Variants in NPAS3 observed in about 807,000 individuals in gnomAD.
NPAS3 encodes neuronal PAS domain-containing protein 3.
Under a neutral mutation model 73.1 loss-of-function variants are expected in NPAS3, and 14 were observed. That is an observed-to-expected ratio of 0.19 (90% CI 0.13 to 0.30). NPAS3 has a LOEUF of 0.30. NPAS3 is among the 10% of genes least tolerant of loss of function. The pLI is 1.00. For synonymous variants in NPAS3, 620 were observed against 541.5 expected (o/e 1.14, Z -2.01); for missense variants, 1,096 against 1,250.0 (o/e 0.88, Z 1.86).
At chr14:33,632,692 G>A (rs74861560) in intron 5 of NPAS3, among the ~76,000 whole-genome samples, 6,568 of 152,128 alleles carry the variant, frequency 0.043, 449 homozygotes, top group African/African-American at 0.15. Flanking sequence ...AGCTCTCTAC[G>A]CTCCTCCATT....
intron 4 of NPAS3, among the ~76,000 whole-genome samples, chr14:33,532,534 G>T (rs938788525): frequency 1.3e-5 from 2 of 152,004 alleles, no homozygotes; most frequent in African/African-American, 4.8e-5. Flanking sequence ...AGAAACAGAT[G>T]ATTTGTCCAA....
intron 5 of NPAS3, among the ~76,000 whole-genome samples, chr14:33,636,410 C>A (rs959748356): frequency 1.3e-5 from 2 of 152,178 alleles, no homozygotes; most frequent in African/African-American, 2.4e-5. Flanking sequence ...CTATGCACAG[C>A]TATAGCGGTT....
intron 1 of NPAS3, among the ~76,000 whole-genome samples, chr14:33,012,571 T>C (rs996677204): frequency 6.6e-6 from 1 of 151,680 alleles, no homozygotes; most frequent in Non-Finnish European, 1.5e-5. Flanking sequence ...TTTTTTTAGA[T>C]GGAGTCTCGC....
intron 4 of NPAS3, among the ~76,000 whole-genome samples, chr14:33,415,243 A>G (rs2138955737): frequency 6.6e-6 from 1 of 152,256 alleles, no homozygotes; most frequent in Admixed American, 6.5e-5. Flanking sequence ...AACCTCATGA[A>G]GAGATTCCAT....
intron 3 of NPAS3, among the ~76,000 whole-genome samples, chr14:33,363,577 A>G (rs936287198): frequency 1.3e-5 from 2 of 152,172 alleles, no homozygotes; most frequent in Admixed American, 1.3e-4. Context: ...TAGGTGTTTT[A>G]TTTTTAACCC....
chr14:33,765,418 C>A (rs888756049), intron 7 of NPAS3, among the ~76,000 whole-genome samples: 3 of 152,090 alleles, frequency 2.0e-5, no homozygotes, highest in Non-Finnish European at 4.4e-5. Flanking sequence ...CAGCCAGGGG[C>A]CGGCTGGGCT....
chr14:33,018,963 G>A (rs1224127171), intron 1 of NPAS3, among the ~76,000 whole-genome samples: 2 of 151,950 alleles, frequency 1.3e-5, no homozygotes, highest in African/African-American at 4.8e-5. Flanking sequence ...CACATGAAAA[G>A]CTACTTGATA....
At chr14:33,794,069 T>A in intron 10 of NPAS3, 25 bp downstream of exon 10, 1 of 1,596,228 alleles carries the variant, frequency 6.3e-7, no homozygotes, top group South Asian at 1.1e-5. Flanking sequence ...TCTTTTCTAT[T>A]TCTGTCCTGG....
intron 4 of NPAS3, among the ~76,000 whole-genome samples, chr14:33,474,834 TTACTG>T (rs2139645614): frequency 6.6e-6 from 1 of 152,284 alleles, no homozygotes; most frequent in African/African-American, 2.4e-5. Flanking sequence ...ATAAATAACT[TTACTG>T]ATTACTTATG....
intron 5 of NPAS3, among the ~76,000 whole-genome samples, chr14:33,648,671 C>G (rs917073179): frequency 2.0e-5 from 3 of 152,144 alleles, no homozygotes; most frequent in Non-Finnish European, 4.4e-5. Context: ...CATCCCAGTG[C>G]GTGTGTGAAG....
At chr14:33,102,698 G>T (rs181745459) in intron 2 of NPAS3, among the ~76,000 whole-genome samples, 10 of 152,302 alleles carry the variant, frequency 6.6e-5, no homozygotes, top group East Asian at 1.9e-4. Flanking sequence ...GCTAGGAATG[G>T]GAATGGAAGT....
chr14:33,060,725 G>T (rs1253996776), intron 2 of NPAS3, among the ~76,000 whole-genome samples: 2 of 152,174 alleles, frequency 1.3e-5, no homozygotes, highest in Admixed American at 1.3e-4. Context: ...AGCCCTCATT[G>T]CAGATCAGGT....
chr14:33,332,208 C>T (rs1211462716), intron 3 of NPAS3, among the ~76,000 whole-genome samples: 1 of 152,178 alleles, frequency 6.6e-6, no homozygotes, highest in Non-Finnish European at 1.5e-5. Context: ...ATTTCTTTCG[C>T]TCACTAAATT....
intron 2 of NPAS3, among the ~76,000 whole-genome samples, chr14:33,099,351 T>TCATA (rs2042516470): frequency 6.6e-6 from 1 of 152,212 alleles, no homozygotes; most frequent in Non-Finnish European, 1.5e-5. Flanking sequence ...CTTTGCGTAT[T>TCATA]CATACATACA....
chr14:33,251,049 C>T (rs1417178536), intron 3 of NPAS3, among the ~76,000 whole-genome samples: 2 of 152,064 alleles, frequency 1.3e-5, no homozygotes, highest in Non-Finnish European at 2.9e-5. Context: ...AAACAGATAG[C>T]TGGTGTTCTA....
intron 4 of NPAS3, among the ~76,000 whole-genome samples, chr14:33,492,894 A>G (rs1185770946): frequency 2.0e-5 from 3 of 152,098 alleles, no homozygotes; most frequent in Non-Finnish European, 4.4e-5. Context: ...TTTTGAGGAG[A>G]ATGTCAAGGC....
At chr14:33,200,386 A>G (rs1443461876) in intron 2 of NPAS3, among the ~76,000 whole-genome samples, 2 of 152,142 alleles carry the variant, frequency 1.3e-5, no homozygotes, top group East Asian at 3.9e-4. Context: ...AATCACTCAG[A>G]GGAAACTACT....
At chr14:33,198,717 G>A (rs967026218) in intron 2 of NPAS3, among the ~76,000 whole-genome samples, 5 of 152,228 alleles carry the variant, frequency 3.3e-5, no homozygotes, top group East Asian at 1.9e-4. Context: ...GGAGCTGCCC[G>A]CCAGCCCTGC....
At chr14:33,664,600 T>G (rs1380274338) in intron 5 of NPAS3, among the ~76,000 whole-genome samples, 1 of 151,934 alleles carries the variant, frequency 6.6e-6, no homozygotes, top group African/African-American at 2.4e-5. Context: ...TGGGAGAAAA[T>G]TTTTGCAATC....
Sources: gnomAD v4.1 joint callset for allele counts (sites outside exome capture counted in the v4.1 genomes callset) on GRCh38, gnomAD v4.1.1 for gene constraint, MANE v1.5 for transcripts, NCBI Gene and HGNC (gene_info 2026-07-23, HGNC 2026-07-21) for gene names.